PRDM2: variants seen among roughly 807,000 people sequenced by gnomAD.
PRDM2 encodes PR/SET domain 2.
A neutral mutation model predicts 130.0 loss-of-function variants in PRDM2; 30 were observed. The ratio of observed to expected loss-of-function variants is 0.23; its 90% CI spans 0.17 to 0.31. The LOEUF is 0.31. Ranked by LOEUF, PRDM2 falls within the 10% of genes least tolerant of loss-of-function variation. The pLI, the probability that PRDM2 is intolerant of heterozygous loss-of-function variation, is 1.00. For synonymous variants in PRDM2, 871 were observed against 782.4 expected, an observed-to-expected ratio of 1.11 and a Z score of -1.89; for missense variants, 2,011 against 2,108.4, an observed-to-expected ratio of 0.95 and a Z score of 0.90.
intron 8 of PRDM2, among the ~76,000 whole-genome samples, chr1:13,801,289 G>A (rs1645002897): frequency 6.6e-6 from 1 of 152,226 alleles, no homozygotes; most frequent in Non-Finnish European, 1.5e-5. Context: ...CCCCTTGTGC[G>A]TTCACAGCGT....
chr1:13,800,697 C>T (rs1357342192), intron 8 of PRDM2, among the ~76,000 whole-genome samples: 1 of 152,224 alleles, frequency 6.6e-6, no homozygotes. Context: ...TGAACACACA[C>T]ACATCCCTCT....
In PRDM2 at chr1:13,779,684, G is replaced by A. The variant is rs1479281520; in HGVS notation, c.1889G>A (p.Gly630Asp). ...VTEDLPKEPL[G>D]STNSEAKKRR... ...GAAGATCTTCCTAAAGAGCCTTTGG[G>A]CAGCACAAATAGTGAGGCCAAGAAG... The change falls in exon 8 of 10, where the codon GGC becomes GAC. Residue 630 changes from glycine (G) to aspartate (D), a missense_variant. Physicochemically the swap from Gly to Asp is moderately conservative, Grantham distance 94. Transcript: ENST00000311066. The surrounding 1 kb of genome is among the most constrained non-coding windows in gnomAD (Gnocchi z 4.9). 2 of 1,614,042 alleles carry A rather than the reference G, an allele frequency of 1.2e-6. No individual in the cohort carries two copies. The highest frequency in any genetic ancestry group is 1.7e-5 in the Admixed American group (1 of 60,010).
At chr1:13,726,507 C>T (rs1210316635) in intron 2 of PRDM2, among the ~76,000 whole-genome samples, 1 of 152,134 alleles carries the variant, frequency 6.6e-6, no homozygotes, top group Non-Finnish European at 1.5e-5. Flanking sequence ...AGCAGACACT[C>T]AGGGAGTATG....
At position 13,789,832 on chromosome 1, in the gene PRDM2, G is replaced by A. The variant is rs1252609002; in HGVS notation, c.5036+7001G>A. Among the ~76,000 whole-genome samples the A allele has an allele frequency of 3.9e-5, 6 of 152,226 alleles. 1 individual carries two copies. The highest frequency in any genetic ancestry group is 2.9e-5 in the Non-Finnish European group (2 of 68,034). On this transcript the variant is annotated intron_variant, in intron 8 of 9. Transcript: ENST00000311066. The stretch of plus-strand genomic sequence containing the variant: ...TTTAAAGTGTTTCAAAGACCAGGCT[G>A]ATAGTTACAGAAAATGGTTTATCGT...
At chr1:13,720,769 A>G (rs1642700477) in intron 2 of PRDM2, among the ~76,000 whole-genome samples, 1 of 152,260 alleles carries the variant, frequency 6.6e-6, no homozygotes, top group African/African-American at 2.4e-5. Context: ...GAAAGTGAAT[A>G]CAATCGGAAA....
At chr1:13,750,928 G>C (rs538507357) in intron 6 of PRDM2, among the ~76,000 whole-genome samples, 62 of 152,092 alleles carry the variant, frequency 4.1e-4, no homozygotes, top group Non-Finnish European at 7.2e-4. Flanking sequence ...CCAGCCTTCC[G>C]GGTAAGTTAT....
chr1:13,755,670 G>GTT (rs1022705713), intron 6 of PRDM2, among the ~76,000 whole-genome samples: 1 of 149,078 alleles, frequency 6.7e-6, no homozygotes, highest in Non-Finnish European at 1.5e-5. Context: ...CTCGTTCAGT[G>GTT]TTTTTTTTTC....
intron 8 of PRDM2, among the ~76,000 whole-genome samples, chr1:13,792,588 T>TG (rs1644857321): frequency 6.6e-6 from 1 of 152,224 alleles, no homozygotes; most frequent in Non-Finnish European, 1.5e-5. Flanking sequence ...TTATTGGACT[T>TG]GTGAATTCAG....
chr1:13,718,221 G>T (rs114005658), intron 2 of PRDM2, among the ~76,000 whole-genome samples: 2,240 of 152,272 alleles, frequency 0.015, 26 homozygotes, highest in South Asian at 0.036. Flanking sequence ...TTATTTTAGG[G>T]TTAGGTTATT....
chr1:13,711,066 C>CA (rs1569677417), intron 1 of PRDM2, among the ~76,000 whole-genome samples: 1 of 133,976 alleles, frequency 7.5e-6, no homozygotes, highest in East Asian at 2.2e-4. Context: ...GCCTGGGCGA[C>CA]AGAGTGAGGC....
chr1:13,778,643 A>T lies in PRDM2; in HGVS notation c.848A>T (p.Asp283Val). ...EEEEDEEEEE[D>V]DDDDELEDEG... ...GAGGAGGATGAAGAAGAAGAAGAAG[A>T]TGATGATGATGATGAGTTGGAAGAC... Residue 283 changes from aspartate to valine, a missense_variant, in exon 8 of 10, where the codon GAT (aspartate) becomes GTT (valine). Physicochemically the swap from Asp to Val is radical, Grantham distance 152 (BLOSUM62 -3). Transcript: ENST00000311066. The T allele has an allele frequency of 1.9e-6, 2 of 1,054,750 alleles. No individual in the cohort carries two copies. Among genetic ancestry groups the T allele is most frequent in the Non-Finnish European group, 2.7e-6 (2 of 754,192 alleles). The allele number at this position is 1,054,750 out of a possible 1,614,324, so 65.3% of individuals were successfully genotyped here. A position where few individuals can be genotyped will look rare whatever the true frequency, so the allele number is the denominator to read the frequency against.
rs140341218 is a variant in PRDM2, at chr1:13,745,203, G to A, written c.384+3046G>A. On this transcript the variant is annotated intron_variant, in intron 5 of 9. Transcript: ENST00000311066. ...ATAAGTAAATAAGAAAGTAATTTCTGGTAGCGATCAGTGTGTTAAGACAGG... is the reference window on the plus strand; with the variant it reads ...ATAAGTAAATAAGAAAGTAATTTCTAGTAGCGATCAGTGTGTTAAGACAGG... Among the ~76,000 whole-genome samples the A allele has an allele frequency of 1.7e-3, 256 of 152,216 alleles. 1 individual carries two copies. The highest frequency in any genetic ancestry group is 2.5e-3 in the Non-Finnish European group (170 of 68,004).
Position 13,749,470 on chromosome 1 carries a change from C to G in PRDM2, c.494C>G (p.Ser165Cys), listed in dbSNP as rs948437680. Residue 165 changes from serine (S) to cysteine (C), a missense_variant, in exon 6 of 10, where the codon TCC becomes TGC. Ser to Cys is a moderately radical substitution (Grantham distance 112, BLOSUM62 -1). This residue lies in a region of PRDM2 where 1,288 missense variants were observed against 1,237.7 expected (regional missense o/e 1.04). Coordinates refer to ENST00000311066, the MANE Select transcript of PRDM2 (RefSeq NM_001393986.1). ...ERASARSKRS[S>C]PKSRKGKKKS... is the part of the protein sequence containing the mutation. ...GCCAGCGCCCGGAGCAAGCGGAGCT[C>G]CCCCAAGAGCCGGAAAGGTAGGAGC... 1.4e-6 allele frequency: 2 copies of G among 1,477,732 alleles called. No homozygotes were observed. The highest frequency in any genetic ancestry group is 1.5e-5 in the African/African-American group (1 of 67,890). 91.5% of individuals were successfully genotyped at this position (1,477,732 alleles called of 1,614,324 possible).
intron 7 of PRDM2, among the ~76,000 whole-genome samples, 183 bp from the exon 8 acceptor site, chr1:13,778,235 G>A (rs1557644437): frequency 1.3e-5 from 2 of 152,180 alleles, no homozygotes; most frequent in Non-Finnish European, 2.9e-5. Flanking sequence ...GTTGAATGAA[G>A]TGGATTCATA....
rs903332215 is a variant in PRDM2, at chr1:13,771,400, G to A, written c.512-1678G>A. ...TTTATTTGCTCAAACCCTGATAAAC[G>A]TAGTGGCAAAAACATCGGATTTCCT... On this transcript the variant is annotated intron_variant, in intron 6 of 9. Coordinates refer to ENST00000311066, the MANE Select transcript of PRDM2 (RefSeq NM_001393986.1). The surrounding 1 kb of genome is among the most constrained non-coding windows in gnomAD (Gnocchi z 4.1). 1.3e-5 allele frequency among the ~76,000 whole-genome samples: 2 copies of A among 152,186 alleles called. No homozygotes were observed. Among genetic ancestry groups the A allele is most frequent in the South Asian group, 2.1e-4 (1 of 4,828 alleles).
intron 2 of PRDM2, among the ~76,000 whole-genome samples, chr1:13,726,169 C>T (rs1642909736): frequency 6.6e-6 from 1 of 152,168 alleles, no homozygotes; most frequent in Non-Finnish European, 1.5e-5. Context: ...TTGAACGCTC[C>T]ATCTGTGTTA....
chr1:13,753,592 G>A (rs1643886073), intron 6 of PRDM2, among the ~76,000 whole-genome samples: 1 of 152,102 alleles, frequency 6.6e-6, no homozygotes, highest in Non-Finnish European at 1.5e-5. Context: ...AATATAGGGA[G>A]GTAAGACAGC....
At chr1:13,822,175 G>A (rs553995995) in intron 9 of PRDM2, among the ~76,000 whole-genome samples, 1 of 152,248 alleles carries the variant, frequency 6.6e-6, no homozygotes, top group African/African-American at 2.4e-5. Flanking sequence ...ATGTACCCAC[G>A]TGCACCAGGA....
intron 8 of PRDM2, among the ~76,000 whole-genome samples, chr1:13,812,069 C>T (rs985373937): frequency 2.0e-5 from 3 of 152,108 alleles, no homozygotes; most frequent in Admixed American, 2.0e-4. Flanking sequence ...TTGCACTGGG[C>T]AGTGATGTGG....
Sources: allele counts gnomAD v4.1 joint callset (sites outside exome capture counted in the v4.1 genomes callset), GRCh38; gene constraint gnomAD v4.1.1; regional missense constraint gnomAD v4.1.1; non-coding constraint Gnocchi (gnomAD v3.1); transcripts MANE v1.5; gene names NCBI Gene and HGNC (gene_info 2026-07-23, HGNC 2026-07-21).